The following PPFIA2 variants were observed in gnomAD, a reference collection of about 807,000 sequenced individuals.
The protein encoded by PPFIA2 is liprin-alpha-2.
Under a neutral mutation model 175.5 loss-of-function variants are expected in PPFIA2, and 46 were observed. The observed-to-expected ratio is 0.26, with a 90% CI of 0.21 to 0.34. PPFIA2 has a LOEUF of 0.34. Among genes scored for constraint, PPFIA2 ranks in the 10% least tolerant of loss-of-function variants. The pLI is 1.00. For synonymous variants in PPFIA2, 568 were observed against 511.4 expected, an observed-to-expected ratio of 1.11 and a Z score of -1.49; for missense variants, 1,179 against 1,506.1, an observed-to-expected ratio of 0.78 and a Z score of 3.60.
intron 8 of PPFIA2, among the ~76,000 whole-genome samples, chr12:81,395,322 T>C (rs1380584831): frequency 6.6e-6 from 1 of 151,914 alleles, no homozygotes; most frequent in Non-Finnish European, 1.5e-5. Flanking sequence ...AATACACAAA[T>C]GAATGGAGAC....
chr12:81,668,908 C>A (rs2070873774), intron 4 of PPFIA2, among the ~76,000 whole-genome samples: 1 of 152,018 alleles, frequency 6.6e-6, no homozygotes. Flanking sequence ...CTGGTTCACA[C>A]TATTACAATC....
chr12:81,615,558 G>C (rs757677869), intron 4 of PPFIA2, among the ~76,000 whole-genome samples: 19 of 152,160 alleles, frequency 1.2e-4, no homozygotes, highest in African/African-American at 4.6e-4. Flanking sequence ...GACCAAAAGA[G>C]CAGTGTGAAC....
chr12:81,333,170 C>T (rs570518968), intron 21 of PPFIA2, among the ~76,000 whole-genome samples: 111 of 152,324 alleles, frequency 7.3e-4, no homozygotes, highest in African/African-American at 2.5e-3. Context: ...AAATAACTCA[C>T]TACCTCATAA....
intron 22 of PPFIA2, among the ~76,000 whole-genome samples, chr12:81,306,921 A>C (rs1042760946): frequency 6.6e-6 from 1 of 152,060 alleles, no homozygotes; most frequent in Non-Finnish European, 1.5e-5. Flanking sequence ...GATTATTTTT[A>C]ATCTTCATTA....
At chr12:81,646,899 G>C (rs1308345976) in intron 4 of PPFIA2, among the ~76,000 whole-genome samples, 1 of 151,894 alleles carries the variant, frequency 6.6e-6, no homozygotes, top group African/African-American at 2.4e-5. Flanking sequence ...AGATGAAGGT[G>C]GGGGGAGGGA....
chr12:81,388,979 C>A (rs575007918), intron 8 of PPFIA2, among the ~76,000 whole-genome samples: 94 of 151,624 alleles, frequency 6.2e-4, no homozygotes, highest in Middle Eastern at 3.4e-3. Context: ...ACTCACACAC[C>A]CCAAGCCCCA....
At chr12:81,490,562 C>T (rs1213135512) in intron 4 of PPFIA2, among the ~76,000 whole-genome samples, 1 of 151,920 alleles carries the variant, frequency 6.6e-6, no homozygotes, top group African/African-American at 2.4e-5. Context: ...TATTTAGCTC[C>T]TATGGCGTTC....
At chr12:81,668,692 G>A (rs1330273034) in intron 4 of PPFIA2, among the ~76,000 whole-genome samples, 1 of 151,936 alleles carries the variant, frequency 6.6e-6, no homozygotes, top group Admixed American at 6.6e-5. Context: ...CTCTAAGAGA[G>A]AATAATAGTG....
intron 27 of PPFIA2, 32 bp from the exon 28 acceptor site, chr12:81,277,446 G>A (rs1487605810): frequency 1.4e-6 from 2 of 1,458,054 alleles, no homozygotes; most frequent in African/African-American, 1.5e-5. Flanking sequence ...AAAAAACACA[G>A]TGAGTCTACC....
chr12:81,455,782 G>A (rs2195916), intron 5 of PPFIA2, among the ~76,000 whole-genome samples: 2,111 of 152,270 alleles, frequency 0.014, 122 homozygotes, highest in Admixed American at 0.1. Context: ...TGGCCTCATG[G>A]TTAGTGCACA....
chr12:81,753,652 T>A (rs1019743762), intron 3 of PPFIA2, among the ~76,000 whole-genome samples: 2 of 152,068 alleles, frequency 1.3e-5, no homozygotes, highest in Non-Finnish European at 2.9e-5. Flanking sequence ...GTAAGAAAGA[T>A]AAAACTATCT....
intron 4 of PPFIA2, among the ~76,000 whole-genome samples, chr12:81,604,711 C>T (rs2060118929): frequency 6.6e-6 from 1 of 151,602 alleles, no homozygotes; most frequent in African/African-American, 2.4e-5. Flanking sequence ...ATAACATACC[C>T]ATTTTAATCG....
intron 7 of PPFIA2, among the ~76,000 whole-genome samples, chr12:81,423,813 A>T (rs543003370): frequency 6.6e-6 from 1 of 152,152 alleles, no homozygotes; most frequent in Non-Finnish European, 1.5e-5. Context: ...ATCTGTATGC[A>T]AATGACATGA....
intron 4 of PPFIA2, chr12:81,535,574 T>C: frequency 2.4e-6 from 1 of 408,894 alleles, no homozygotes; most frequent in Non-Finnish European, 4.9e-6. Context: ...TCCTTCTAGA[T>C]ACTACCTTGG....
intron 4 of PPFIA2, among the ~76,000 whole-genome samples, chr12:81,518,855 G>A (rs1345799294): frequency 1.3e-5 from 2 of 152,090 alleles, no homozygotes; most frequent in Non-Finnish European, 2.9e-5. Flanking sequence ...GTAAATTAAT[G>A]ACATAATATT....
chr12:81,578,815 G>A (rs2073988971), intron 4 of PPFIA2, among the ~76,000 whole-genome samples: 2 of 151,690 alleles, frequency 1.3e-5, no homozygotes, highest in African/African-American at 4.8e-5. Context: ...ATGCCTCTCA[G>A]GAAATATTGT....
intron 4 of PPFIA2, among the ~76,000 whole-genome samples, chr12:81,604,132 T>C (rs1216176968): frequency 2.6e-5 from 4 of 151,774 alleles, no homozygotes; most frequent in African/African-American, 7.2e-5. Context: ...TAATGTATAC[T>C]GAGTTCATCT....
intron 4 of PPFIA2, among the ~76,000 whole-genome samples, chr12:81,529,591 T>C (rs1005426198): frequency 2.7e-5 from 4 of 146,908 alleles, no homozygotes; most frequent in Admixed American, 6.8e-5. Flanking sequence ...GAGATTCATA[T>C]ACCAGGATTG....
chr12:81,572,512 C>G (rs2153415720), intron 4 of PPFIA2, among the ~76,000 whole-genome samples: 1 of 152,066 alleles, frequency 6.6e-6, no homozygotes, highest in African/African-American at 2.4e-5. Context: ...TTTGTATACT[C>G]AATGCCAAAA....
Sources: allele counts gnomAD v4.1 joint callset (sites outside exome capture counted in the v4.1 genomes callset), GRCh38; gene constraint gnomAD v4.1.1; transcripts MANE v1.5; gene names NCBI Gene and HGNC (gene_info 2026-07-23, HGNC 2026-07-21).